The following PHEX variants were observed in gnomAD, a reference collection of about 807,000 sequenced individuals.
The protein encoded by PHEX is phosphate regulating endopeptidase X-linked, also known as phosphate-regulating neutral endopeptidase PHEX.
Under a neutral mutation model 68.0 loss-of-function variants are expected in PHEX, and 16 were observed. The observed-to-expected ratio is 0.24, with a 90% CI of 0.16 to 0.36. The LOEUF (loss-of-function observed/expected upper bound fraction) is 0.36. Ranked by LOEUF, PHEX falls within the 10% of genes least tolerant of loss-of-function variation. The pLI, the probability that PHEX is intolerant of heterozygous loss-of-function variation, is 1.00. For synonymous variants in PHEX, 208 were observed against 205.1 expected (o/e 1.01, Z -0.12); for missense variants, 480 against 575.5 (o/e 0.83, Z 1.70).
intron 12 of PHEX, among the ~76,000 whole-genome samples, chrX:22,141,762 G>C (rs778232398): frequency 5.4e-5 from 6 of 111,623 alleles, no homozygotes; most frequent in Non-Finnish European, 1.1e-4. Context: ...ACAGTAGAAA[G>C]ACAAAAAAAA....
chrX:22,192,405 T>A (rs1305443879), intron 15 of PHEX, among the ~76,000 whole-genome samples: 1 of 111,938 alleles, frequency 8.9e-6, no homozygotes, highest in Non-Finnish European at 1.9e-5. Context: ...GTAGCGATTT[T>A]AAGACGTTTT....
rs955288639 is a variant in PHEX at position 22,248,417 on chromosome X, T to A, written c.*464T>A. 1.5e-5 allele frequency: 2 copies of A among 134,177 alleles called. No individual in the cohort carries two copies. The highest frequency in any genetic ancestry group is 3.8e-4 in the East Asian group (2 of 5,247). The allele number at this position is 134,177 out of a possible 1,213,427, so 11.1% of individuals were successfully genotyped here. Reference sequence around the variant, plus strand: ...GGGCTTGCTGCTCTGTGGAATGCAGTGCACGTTTTTATGGACAGTAATTAC... The same window carrying A: ...GGGCTTGCTGCTCTGTGGAATGCAGAGCACGTTTTTATGGACAGTAATTAC... On this transcript the variant is annotated 3_prime_UTR_variant, in exon 22 of 22. Transcript: ENST00000379374.
chrX:22,235,999 A>T (rs758339968), intron 20 of PHEX, among the ~76,000 whole-genome samples: 25 of 111,479 alleles, frequency 2.2e-4, no homozygotes, highest in Middle Eastern at 4.6e-3. Context: ...ACTCAATCCA[A>T]TTCAATTTCC....
In PHEX at chrX:22,227,597, C is replaced by A. The variant is rs764784243; in HGVS notation, c.2056C>A (p.Leu686Met). The A allele has an allele frequency of 9.2e-6, 11 of 1,191,489 alleles. No homozygotes were observed. The highest frequency in any genetic ancestry group is 1.3e-5 in the Non-Finnish European group (11 of 877,215). Residue 686 changes from leucine (L) to methionine (M), a missense_variant, in exon 20 of 22, where the codon CTG becomes ATG. By Grantham distance (15) the Leu-to-Met change is conservative (BLOSUM62 2). Coordinates refer to ENST00000379374, the MANE Select transcript of PHEX (RefSeq NM_000444.6). ...ITFTNNQLFFLSYAHVRCNSY... is the reference protein window; with the variant it reads ...ITFTNNQLFFMSYAHVRCNSY... ...ATTCACCAACAACCAGCTCTTCTTC[C>A]TGAGTTATGCTCATGTGAGTAGACT...
rs34735126 is a variant in PHEX, at chrX:22,118,199, GT to G, written c.1302+3625del. On this transcript the variant is annotated intron_variant, in intron 11 of 21. Transcript: ENST00000379374. Reference sequence around the variant, plus strand: ...CAGATTCTCATTGCATTTTAACAAGGTTTTTTTTTTTTAAGTTGTGTTTGGG... The same window carrying G: ...CAGATTCTCATTGCATTTTAACAAGGTTTTTTTTTTTAAGTTGTGTTTGGG... Among the ~76,000 whole-genome samples, 15 of 101,225 alleles carry G rather than the reference GT, an allele frequency of 1.5e-4. No homozygotes were observed. The South Asian group carries it at 1.8e-3, about 12-fold the overall frequency. 87.9% of individuals were successfully genotyped at this position (101,225 alleles called of 115,157 possible). A position where few individuals can be genotyped will look rare whatever the true frequency, so the allele number is the denominator to read the frequency against.
chrX:22,063,629 C>T (rs1928472693), intron 3 of PHEX, among the ~76,000 whole-genome samples: 1 of 112,216 alleles, frequency 8.9e-6, no homozygotes, highest in South Asian at 3.7e-4. Flanking sequence ...CCAGAAGCGT[C>T]GCGTCCACCT....
Position 22,094,188 on chromosome X carries a change from T to C in PHEX, c.849+89T>C, listed in dbSNP as rs1930033732. 5.6e-6 allele frequency: 3 copies of C among 539,165 alleles called. No individual in the cohort carries two copies. In the East Asian group the frequency reaches 1.2e-4, roughly 21 times the overall value. The allele number at this position is 539,165 out of a possible 1,213,427, so 44.4% of individuals were successfully genotyped here. A position where few individuals can be genotyped will look rare whatever the true frequency, so the allele number is the denominator to read the frequency against. Reference sequence around the variant, plus strand: ...TCCTTTCCTTTTATTAAAGGCAGTATATCCTGAATGAAAATATAAATTGCA... The same window carrying C: ...TCCTTTCCTTTTATTAAAGGCAGTACATCCTGAATGAAAATATAAATTGCA... On this transcript the variant is annotated intron_variant, in intron 7 of 21. Coordinates refer to ENST00000379374, the MANE Select transcript of PHEX (RefSeq NM_000444.6).
chrX:22,211,928 A>G (rs750004147), intron 15 of PHEX, among the ~76,000 whole-genome samples: 2 of 111,944 alleles, frequency 1.8e-5, no homozygotes, highest in South Asian at 7.5e-4. Context: ...CCATGAGAAC[A>G]GTATGGGGGA....
chrX:22,114,687 C>A, intron 11 of PHEX, 101 bp downstream of exon 11: 1 of 702,624 alleles, frequency 1.4e-6, no homozygotes, highest in East Asian at 3.3e-5. Context: ...GTGGTAGTGG[C>A]CTGTGGGTAT....
At chrX:22,106,778 C>CAAA (rs10647092) in intron 9 of PHEX, among the ~76,000 whole-genome samples, 8,406 of 53,124 alleles carry the variant, frequency 0.16, 1,341 homozygotes, top group African/African-American at 0.44. Flanking sequence ...AACTCTGTCT[C>CAAA]AAAAAAAAAA....
intron 8 of PHEX, chrX:22,097,777 T>G: frequency 7.8e-6 from 5 of 639,546 alleles, no homozygotes; most frequent in Non-Finnish European, 9.3e-6. Flanking sequence ...TTTTTATTTG[T>G]TTTTTTTTGA....
rs922124227 is a variant in PHEX at position 22,176,842 on chromosome X, A to G, written c.1483-1431A>G. Among the ~76,000 whole-genome samples, 5 of 111,702 alleles carry G rather than the reference A, an allele frequency of 4.5e-5. No homozygotes were observed. The East Asian group carries it at 1.4e-3, about 31-fold the overall frequency. ...ATTATTTCATGTTCATGCATACAGA[A>G]CAATCATGTAAACTGTTGTATTGCC... On this transcript the variant is annotated intron_variant, in intron 13 of 21. Coordinates refer to ENST00000379374, the MANE Select transcript of PHEX (RefSeq NM_000444.6).
intron 2 of PHEX, among the ~76,000 whole-genome samples, chrX:22,046,827 A>G (rs1471294652): frequency 1.8e-5 from 2 of 111,069 alleles, no homozygotes; most frequent in Non-Finnish European, 3.8e-5. Flanking sequence ...TCGGCCTCCT[A>G]AAGTGCTGGG....
intron 12 of PHEX, among the ~76,000 whole-genome samples, chrX:22,142,121 A>T (rs1024322536): frequency 9.0e-5 from 10 of 111,269 alleles, no homozygotes; most frequent in African/African-American, 2.9e-4. Flanking sequence ...GTGTGGTGGC[A>T]GGCGCCTGTA....
At chrX:22,130,607 C>T (rs897049771) in intron 11 of PHEX, among the ~76,000 whole-genome samples, 2 of 109,592 alleles carry the variant, frequency 1.8e-5, no homozygotes, top group African/African-American at 3.3e-5. Flanking sequence ...ATCTAGTCCC[C>T]GGAGATTTCC....
chrX:22,091,113 T>A (rs2147036192), intron 6 of PHEX, among the ~76,000 whole-genome samples: 1 of 112,152 alleles, frequency 8.9e-6, no homozygotes, highest in Admixed American at 9.4e-5. Flanking sequence ...CAATTTATTT[T>A]GGAAACTTTA....
At position 22,033,118 on chromosome X, in the gene PHEX, T is replaced by C. The variant is rs1206720296; in HGVS notation, c.113T>C (p.Phe38Ser). 1 of 1,187,159 alleles carries C rather than the reference T, an allele frequency of 8.4e-7. No individual in the cohort carries two copies. Among genetic ancestry groups the C allele is most frequent in the Non-Finnish European group, 1.1e-6 (1 of 873,273 alleles). ...ACCCTAGTTCTGGGCACGATCCTCTTTCTAGGTAAGTGGAGTGCAGGAGGC... is the reference window on the plus strand; with the variant it reads ...ACCCTAGTTCTGGGCACGATCCTCTCTCTAGGTAAGTGGAGTGCAGGAGGC... Reference protein sequence around the residue: ...GGTLVLGTILFLVSQGLLSLQ... With the variant: ...GGTLVLGTILSLVSQGLLSLQ... The change falls in exon 1 of 22, where the codon TTT becomes TCT. Residue 38 changes from phenylalanine (F) to serine (S), a missense_variant. Transcript: ENST00000379374.
At chrX:22,054,682 C>A (rs1927994899) in intron 3 of PHEX, among the ~76,000 whole-genome samples, 1 of 111,615 alleles carries the variant, frequency 9.0e-6, no homozygotes, top group South Asian at 3.7e-4. Flanking sequence ...TGCCAAGTTA[C>A]AAATATATCA....
chrX:22,241,772 T>C (rs1229105312), intron 20 of PHEX, among the ~76,000 whole-genome samples: 1 of 111,453 alleles, frequency 9.0e-6, no homozygotes, highest in Admixed American at 9.5e-5. Flanking sequence ...GAAATTGAGG[T>C]AGCAATTAAT....
Sources: allele counts gnomAD v4.1 joint callset (sites outside exome capture counted in the v4.1 genomes callset), GRCh38; gene constraint gnomAD v4.1.1; transcripts MANE v1.5; gene names NCBI Gene and HGNC (gene_info 2026-07-23, HGNC 2026-07-21).